LDB2: variants seen among roughly 807,000 people sequenced by gnomAD.
LDB2 encodes LIM domain-binding protein 2.
In LDB2, 12 loss-of-function variants were observed where a neutral mutation model predicts 44.3. That is an observed-to-expected ratio of 0.27 (90% CI 0.17 to 0.44). The LOEUF is 0.44. Among genes scored for constraint, LDB2 ranks in the 20% least tolerant of loss-of-function variants. The probability of loss-of-function intolerance (pLI) is 1.00; values close to 1 mark genes in which losing one functional copy is unlikely to be tolerated. For missense variants in LDB2, 344 were observed against 473.5 expected (o/e 0.73, Z 2.54); for synonymous variants, 164 against 174.8 (o/e 0.94, Z 0.49).
At chr4:16,529,715 T>C (rs1271980577) in intron 5 of LDB2, among the ~76,000 whole-genome samples, 1 of 152,232 alleles carries the variant, frequency 6.6e-6, no homozygotes, top group African/African-American at 2.4e-5. Context: ...AGCATCCTTG[T>C]CCCCTGGGTC....
At chr4:16,722,871 G>A (rs1758588224) in intron 2 of LDB2, among the ~76,000 whole-genome samples, 1 of 152,096 alleles carries the variant, frequency 6.6e-6, no homozygotes, top group South Asian at 2.1e-4. Context: ...ACCTTATGAT[G>A]GTTCCACTTA....
intron 2 of LDB2, among the ~76,000 whole-genome samples, chr4:16,690,306 C>CA: frequency 6.6e-6 from 1 of 151,166 alleles, no homozygotes; most frequent in Non-Finnish European, 1.5e-5. Context: ...ACTAAAAATA[C>CA]AAAAAAATTA....
intron 2 of LDB2, among the ~76,000 whole-genome samples, chr4:16,667,130 A>T (rs559840597): frequency 1.8e-4 from 28 of 152,318 alleles, no homozygotes; most frequent in African/African-American, 6.5e-4. Flanking sequence ...TTGCCAAATG[A>T]CACACAGAGA....
chr4:16,798,247 T>C (rs142992218), intron 1 of LDB2, among the ~76,000 whole-genome samples: 120 of 152,148 alleles, frequency 7.9e-4, no homozygotes, highest in African/African-American at 2.8e-3. Flanking sequence ...TTTCTCTGCA[T>C]TGTGAATATT....
intron 5 of LDB2, among the ~76,000 whole-genome samples, chr4:16,553,305 A>G (rs1472760098): frequency 6.6e-6 from 1 of 151,906 alleles, no homozygotes; most frequent in East Asian, 1.9e-4. Flanking sequence ...GGTACATGCC[A>G]CCATGCCCAG....
chr4:16,615,615 G>A (rs1369049120), intron 2 of LDB2, among the ~76,000 whole-genome samples: 1 of 151,992 alleles, frequency 6.6e-6, no homozygotes. Flanking sequence ...GGGGGTGGGG[G>A]GTGAAGGAGG....
intron 1 of LDB2, among the ~76,000 whole-genome samples, chr4:16,775,525 C>G (rs1419265570): frequency 3.9e-5 from 6 of 152,180 alleles, no homozygotes; most frequent in Non-Finnish European, 5.9e-5. Context: ...GTGCTTAGAA[C>G]AGTGCCTGGA....
chr4:16,796,188 G>A (rs573457047), intron 1 of LDB2, among the ~76,000 whole-genome samples: 175 of 152,218 alleles, frequency 1.1e-3, no homozygotes, highest in Non-Finnish European at 2.3e-3. Flanking sequence ...GGGAGGTTAA[G>A]GTGGGAGGAT....
intron 1 of LDB2, among the ~76,000 whole-genome samples, chr4:16,831,695 T>C (rs775658625): frequency 1.2e-4 from 19 of 152,190 alleles, no homozygotes; most frequent in Non-Finnish European, 2.8e-4. Flanking sequence ...AAGGTGCTAG[T>C]TTCTTTTTTT....
At chr4:16,862,828 C>A (rs1239837661) in intron 1 of LDB2, among the ~76,000 whole-genome samples, 2 of 151,970 alleles carry the variant, frequency 1.3e-5, no homozygotes, top group African/African-American at 2.4e-5. Flanking sequence ...GGGAAGAAAG[C>A]CACAGTCCTC....
chr4:16,802,742 T>C (rs1267017700), intron 1 of LDB2, among the ~76,000 whole-genome samples: 1 of 152,134 alleles, frequency 6.6e-6, no homozygotes, highest in African/African-American at 2.4e-5. Context: ...CAGTGGGAGA[T>C]AATTGAATCA....
chr4:16,763,299 G>A (rs890332252), intron 1 of LDB2, among the ~76,000 whole-genome samples: 3 of 152,096 alleles, frequency 2.0e-5, no homozygotes, highest in African/African-American at 4.8e-5. Context: ...AACTCAGCTC[G>A]GGAAATCACT....
At chr4:16,812,631 A>ATCTGTGTGTG (rs71649984) in intron 1 of LDB2, among the ~76,000 whole-genome samples, 1 of 126,024 alleles carries the variant, frequency 7.9e-6, no homozygotes, top group Non-Finnish European at 1.6e-5. Flanking sequence ...TATTAAATAT[A>ATCTGTGTGTG]TGTGTGTGTG....
rs907604463 is a variant in LDB2, at chr4:16,763,899, C to T, written c.133-4639G>A. ...GTTGGGTAAGTGGGAATAATAATCT[C>T]GGTGTGCTGTGAGGACTAAACAGAA... is the stretch of plus-strand genomic sequence containing the variant. On this transcript the variant is annotated intron_variant, in intron 1 of 7. Transcript: ENST00000304523. Among the ~76,000 whole-genome samples the T allele has an allele frequency of 3.9e-5, 6 of 152,026 alleles. No homozygotes were observed. The South Asian group carries it at 6.2e-4, about 16-fold the overall frequency.
intron 2 of LDB2, among the ~76,000 whole-genome samples, chr4:16,704,168 T>C (rs1754106371): frequency 1.3e-5 from 2 of 152,206 alleles, no homozygotes; most frequent in African/African-American, 4.8e-5. Flanking sequence ...ACCATTATTG[T>C]GATTTCTGTT....
chr4:16,558,331 G>A lies in LDB2; in HGVS notation c.615+27591C>T, dbSNP rs59596238. Among the ~76,000 whole-genome samples the A allele has an allele frequency of 5.7e-3, 869 of 152,206 alleles. 12 individuals carry two copies. The highest frequency in any genetic ancestry group is 0.02 in the African/African-American group (821 of 41,532). On this transcript the variant is annotated intron_variant, in intron 5 of 7. Coordinates refer to ENST00000304523, the MANE Select transcript of LDB2 (RefSeq NM_001290.5). ...CTTTGAAAAAAATTTAGACAAATGT[G>A]TAACTAGAATAACCAATACACAGAA...
At chr4:16,849,301 G>T (rs888179704) in intron 1 of LDB2, among the ~76,000 whole-genome samples, 6 of 152,094 alleles carry the variant, frequency 3.9e-5, no homozygotes, top group African/African-American at 1.4e-4. Flanking sequence ...AGCCCCAAAC[G>T]TACTGTCTTT....
At chr4:16,691,080 A>C (rs1268594565) in intron 2 of LDB2, among the ~76,000 whole-genome samples, 1 of 152,126 alleles carries the variant, frequency 6.6e-6, no homozygotes. Context: ...GGTGTGCTTC[A>C]TTATCCAAAT....
chr4:16,667,338 G>A (rs1029042487), intron 2 of LDB2, among the ~76,000 whole-genome samples: 3 of 152,042 alleles, frequency 2.0e-5, no homozygotes, highest in Non-Finnish European at 2.9e-5. Flanking sequence ...CGGAGCCCTG[G>A]GTGACATTGT....
Sources: gnomAD v4.1 joint callset for allele counts (sites outside exome capture counted in the v4.1 genomes callset) on GRCh38, gnomAD v4.1.1 for gene constraint, MANE v1.5 for transcripts, NCBI Gene and HGNC (gene_info 2026-07-23, HGNC 2026-07-21) for gene names.